The following SMIM43 variants were observed in gnomAD, a reference collection of about 807,000 sequenced individuals.
SMIM43 encodes the protein small integral membrane protein 43.
Position 121,759,301 on chromosome 4 carries a change from G to C in SMIM43, c.*1673C>G, listed in dbSNP as rs897494915. 3 of 152,082 alleles carry C rather than the reference G, an allele frequency of 2.0e-5. No homozygotes were observed. The highest frequency in any genetic ancestry group is 7.2e-5 in the African/African-American group (3 of 41,402). The allele number at this position is 152,082 out of a possible 1,614,324, so 9.4% of individuals were successfully genotyped here. ...CAAATACCATTCTTTCTTTTCCTCT[G>C]GGAGACAAATTCAATGGCAAGCTAG... On this transcript the variant is annotated 3_prime_UTR_variant, in exon 6 of 6. Coordinates refer to ENST00000643802, the MANE Select transcript of SMIM43 (RefSeq NM_001384332.1).
upstream of SMIM43, chr4:121,765,409 C>G (rs1726306386): frequency 4.4e-6 from 1 of 228,680 alleles, no homozygotes; most frequent in Admixed American, 5.7e-5. Context: ...CGGGCACGGA[C>G]GCCAGAAGAG....
At chr4:121,762,514 A>T (rs1195915373) in intron 3 of SMIM43, 1 of 152,272 alleles carries the variant, frequency 6.6e-6, no homozygotes, top group African/African-American at 2.4e-5. Context: ...CAGAGCTTAG[A>T]GTCAAGTTCC....
At position 121,760,199 on chromosome 4, in the gene SMIM43, G is replaced by A; in HGVS notation, c.*775C>T. ...GTAGCCAGGGCATAAAATGTTAGTT[G>A]TCCTCCCAAGATCCACCATCATCTT... On this transcript the variant is annotated 3_prime_UTR_variant, in exon 6 of 6. Coordinates refer to ENST00000643802, the MANE Select transcript of SMIM43 (RefSeq NM_001384332.1). The A allele has an allele frequency of 2.0e-6, 3 of 1,507,700 alleles. No individual in the cohort carries two copies. The highest frequency in any genetic ancestry group is 2.7e-6 in the Non-Finnish European group (3 of 1,128,806). The allele number at this position is 1,507,700 out of a possible 1,614,324, so 93.4% of individuals were successfully genotyped here. A position where few individuals can be genotyped will look rare whatever the true frequency, so the allele number is the denominator to read the frequency against.
In SMIM43 at chr4:121,761,634, TTTTCTCTC is replaced by T; in HGVS notation, c.*395_*402del. 1.2e-6 allele frequency: 2 copies of T among 1,613,872 alleles called. No individual in the cohort carries two copies. Among genetic ancestry groups the T allele is most frequent in the Non-Finnish European group, 1.7e-6 (2 of 1,179,910 alleles). Reference sequence around the variant, plus strand: ...CAGTGCATGGCACACTCTGGGTAAATTTTCTCTCTTATTCTGTAGAATCGCACCAGATG... The same window carrying T: ...CAGTGCATGGCACACTCTGGGTAAATTTATTCTGTAGAATCGCACCAGATG... On this transcript the variant is annotated 3_prime_UTR_variant, in exon 5 of 6. Coordinates refer to ENST00000643802, the MANE Select transcript of SMIM43 (RefSeq NM_001384332.1).
At position 121,759,274 on chromosome 4, in the gene SMIM43, T is replaced by C. The variant is rs912912061; in HGVS notation, c.*1700A>G. ...GTCAAGTTAACATCTTGAATTTAAT[T>C]CCAAATACCATTCTTTCTTTTCCTC... On this transcript the variant is annotated 3_prime_UTR_variant, in exon 6 of 6. Transcript: ENST00000643802. The C allele has an allele frequency of 2.0e-5, 3 of 152,312 alleles. No individual in the cohort carries two copies. Among genetic ancestry groups the C allele is most frequent in the Admixed American group, 2.0e-4 (3 of 15,298 alleles). 9.4% of individuals were successfully genotyped at this position (152,312 alleles called of 1,614,324 possible). A position where few individuals can be genotyped will look rare whatever the true frequency, so the allele number is the denominator to read the frequency against.
At chr4:121,762,376 A>G (rs1726118164) in intron 3 of SMIM43, among the ~76,000 whole-genome samples, 1 of 152,220 alleles carries the variant, frequency 6.6e-6, no homozygotes, top group African/African-American at 2.4e-5. Context: ...GAATAAATAA[A>G]TAAACAGCAA....
intron 2 of SMIM43, among the ~76,000 whole-genome samples, chr4:121,763,035 G>A (rs1229432094): frequency 6.6e-6 from 1 of 152,152 alleles, no homozygotes; most frequent in East Asian, 1.9e-4. Flanking sequence ...GCACAATACA[G>A]AATCACTGCA....
In SMIM43 at chr4:121,759,669, C is replaced by T. The variant is rs1383552552; in HGVS notation, c.*1305G>A. On this transcript the variant is annotated 3_prime_UTR_variant, in exon 6 of 6. Transcript: ENST00000643802. ...CTTTGCTTAGCTAGGATGTAGGCTG[C>T]TTATAGAAGCAGCTTTGAGAGGCAA... 2 of 152,164 alleles carry T rather than the reference C, an allele frequency of 1.3e-5. No individual in the cohort carries two copies. The highest frequency in any genetic ancestry group is 2.9e-5 in the Non-Finnish European group (2 of 68,054). 9.4% of individuals were successfully genotyped at this position (152,164 alleles called of 1,614,324 possible). A position where few individuals can be genotyped will look rare whatever the true frequency, so the allele number is the denominator to read the frequency against.
At chr4:121,765,353 A>G (rs554866760), upstream of SMIM43, 35 of 310,744 alleles carry the variant, frequency 1.1e-4, no homozygotes, top group Non-Finnish European at 1.9e-4. Context: ...AGATCCTCTC[A>G]GGTGCTCTTG....
chr4:121,764,971 G>A lies in SMIM43; in HGVS notation c.135C>T (p.Pro45=), dbSNP rs1279164933. Residue 45 remains proline (P), a synonymous_variant, in exon 1 of 6, where the codon CCC becomes CCT. Transcript: ENST00000643802. ...GCTCGCGGTGCACCGAGAGGCGCCC[G>A]GGCTGGAGCGCCCCGGCCGTGTTGG... ...SVANTAGALQ[P]GRLSVHREPW... The A allele has an allele frequency of 1.0e-5, 4 of 398,510 alleles. No homozygotes were observed. The highest frequency in any genetic ancestry group is 1.8e-5 in the Non-Finnish European group (4 of 225,752). 24.7% of individuals were successfully genotyped at this position (398,510 alleles called of 1,614,324 possible).
intron 5 of SMIM43, 116 bp from the exon 6 acceptor site, chr4:121,760,590 A>T (rs1726007642): frequency 7.2e-6 from 10 of 1,386,458 alleles, no homozygotes; most frequent in Non-Finnish European, 9.4e-6. Flanking sequence ...CTGTGAGAAA[A>T]GAACAAACCC....
At chr4:121,765,352 CAG>C (rs1380541387), upstream of SMIM43, 2 of 313,254 alleles carry the variant, frequency 6.4e-6, no homozygotes, top group African/African-American at 4.3e-5. Flanking sequence ...GAGATCCTCT[CAG>C]GTGCTCTTGA....
intron 2 of SMIM43, among the ~76,000 whole-genome samples, chr4:121,763,214 T>C (rs1370969083): frequency 6.6e-6 from 1 of 152,210 alleles, no homozygotes; most frequent in Non-Finnish European, 1.5e-5. Flanking sequence ...TCTAATGTCT[T>C]GGGCCAAAAT....
In SMIM43 at chr4:121,760,474, C is replaced by T; in HGVS notation, c.*500G>A. 6.5e-7 allele frequency: 1 copy of T among 1,534,436 alleles called. No individual in the cohort carries two copies. Among genetic ancestry groups the T allele is most frequent in the Non-Finnish European group, 8.8e-7 (1 of 1,141,276 alleles). On this transcript the variant is annotated splice_region_variant and 3_prime_UTR_variant, in exon 6 of 6. Coordinates refer to ENST00000643802, the MANE Select transcript of SMIM43 (RefSeq NM_001384332.1). ...GGGTGCTGCGGGGACCATCTTGGAA[C>T]CTGGAGGAAAAAGCCAAGGGAACCT...
intron 2 of SMIM43, among the ~76,000 whole-genome samples, chr4:121,763,210 G>A (rs1726161616): frequency 6.6e-6 from 1 of 152,168 alleles, no homozygotes; most frequent in Non-Finnish European, 1.5e-5. Flanking sequence ...ATTATCTAAT[G>A]TCTTGGGCCA....
In SMIM43 at chr4:121,761,761, G is replaced by A. The variant is rs893179317; in HGVS notation, c.*342-66C>T. The A allele has an allele frequency of 3.1e-6, 5 of 1,609,496 alleles. No homozygotes were observed. The African/African-American group carries it at 4.0e-5, about 13-fold the overall frequency. On this transcript the variant is annotated intron_variant, in intron 4 of 5. Coordinates refer to ENST00000643802, the MANE Select transcript of SMIM43 (RefSeq NM_001384332.1). The stretch of plus-strand genomic sequence containing the variant: ...CATTTTAGATTTTGCAGGTGTGAGT[G>A]TGATGTCATTCTCATTCAACTTAAA...
chr4:121,761,964 G>A (rs920784381), intron 3 of SMIM43, 72 bp from the exon 4 acceptor site: 4 of 1,272,532 alleles, frequency 3.1e-6, no homozygotes, highest in Non-Finnish European at 4.4e-6. Context: ...TAGAATTATG[G>A]CTCATTTCCT....
Position 121,761,628 on chromosome 4 carries a change from G to C in SMIM43, c.*409C>G, listed in dbSNP as rs772690599. On this transcript the variant is annotated 3_prime_UTR_variant, in exon 5 of 6. Transcript: ENST00000643802. Reference sequence around the variant, plus strand: ...AAAAGCCAGTGCATGGCACACTCTGGGTAAATTTTCTCTCTTATTCTGTAG... The same window carrying C: ...AAAAGCCAGTGCATGGCACACTCTGCGTAAATTTTCTCTCTTATTCTGTAG... 6.4e-5 allele frequency: 103 copies of C among 1,613,586 alleles called. No homozygotes were observed. Among genetic ancestry groups the C allele is most frequent in the Non-Finnish European group, 8.4e-5 (99 of 1,179,842 alleles).
In SMIM43 at chr4:121,761,497, ATGTC is replaced by A. The variant is rs150980224; in HGVS notation, c.*499+37_*499+40del. ...CTATAGACAAAATTGGAAATATAGA[ATGTC>A]AAACTAAAAATAGAGTATTTCATAT... On this transcript the variant is annotated intron_variant, in intron 5 of 5. Transcript: ENST00000643802. 5.1e-3 allele frequency: 7,778 copies of A among 1,524,916 alleles called. 374 individuals are homozygous for A. In the African/African-American group the frequency reaches 0.097, roughly 19 times the overall value. 94.5% of individuals were successfully genotyped at this position (1,524,916 alleles called of 1,614,324 possible).
Sources: gnomAD v4.1 joint callset for allele counts (sites outside exome capture counted in the v4.1 genomes callset) on GRCh38, gnomAD v4.1.1 for gene constraint, MANE v1.5 for transcripts, NCBI Gene and HGNC (gene_info 2026-07-23, HGNC 2026-07-21) for gene names.